Variants in LRRC4C observed in about 807,000 individuals in gnomAD.
LRRC4C encodes leucine rich repeat containing 4C.
A neutral mutation model predicts 33.6 loss-of-function variants in LRRC4C; 5 were observed. That is an observed-to-expected ratio of 0.15 (90% CI 0.08 to 0.31). The LOEUF (loss-of-function observed/expected upper bound fraction) is 0.31, where lower values mean the gene tolerates loss of function less well. LRRC4C is among the 10% of genes least tolerant of loss of function. The pLI, the probability that LRRC4C is intolerant of heterozygous loss-of-function variation, is 1.00. For missense variants in LRRC4C, 560 were observed against 796.7 expected (o/e 0.70, Z 3.58); for synonymous variants, 329 against 302.0 (o/e 1.09, Z -0.93).
chr11:40,434,443 A>G (rs533521443), intron 3 of LRRC4C, among the ~76,000 whole-genome samples: 27 of 152,274 alleles, frequency 1.8e-4, no homozygotes, highest in Non-Finnish European at 3.4e-4. Context: ...GGCATCTCTT[A>G]ATTTCCCTGG....
At chr11:40,911,043 G>T (rs1193338068) in intron 2 of LRRC4C, among the ~76,000 whole-genome samples, 2 of 152,196 alleles carry the variant, frequency 1.3e-5, no homozygotes, top group Admixed American at 6.5e-5. Context: ...AAACAAAGCT[G>T]CTGGGAAGCT....
At chr11:40,504,775 T>C (rs928095191) in intron 3 of LRRC4C, among the ~76,000 whole-genome samples, 2 of 152,170 alleles carry the variant, frequency 1.3e-5, no homozygotes, top group East Asian at 1.9e-4. Context: ...CTCATCAACA[T>C]TTTATGTTTT....
At chr11:40,443,402 C>A (rs1057496678) in intron 3 of LRRC4C, among the ~76,000 whole-genome samples, 4 of 152,098 alleles carry the variant, frequency 2.6e-5, no homozygotes, top group Admixed American at 2.6e-4. Flanking sequence ...TTTGAATTAC[C>A]AAATTCCTAT....
intron 1 of LRRC4C, among the ~76,000 whole-genome samples, chr11:40,970,992 G>A (rs1469919195): frequency 6.6e-6 from 1 of 152,190 alleles, no homozygotes; most frequent in Non-Finnish European, 1.5e-5. Flanking sequence ...ACTCACATGT[G>A]TGAGCAAAGA....
intron 3 of LRRC4C, among the ~76,000 whole-genome samples, chr11:40,372,107 A>G (rs1948475991): frequency 6.6e-6 from 1 of 152,204 alleles, no homozygotes; most frequent in South Asian, 2.1e-4. Flanking sequence ...TGGACTAAGT[A>G]AAAATATCTG....
intron 3 of LRRC4C, among the ~76,000 whole-genome samples, chr11:40,533,062 A>T (rs1019496755): frequency 2.0e-5 from 3 of 152,104 alleles, no homozygotes; most frequent in African/African-American, 7.2e-5. Context: ...CTCTCCCTTG[A>T]CATGTGGGGA....
rs56234239 is a variant in LRRC4C at position 41,037,574 on chromosome 11, T to TCACA, written c.-495-103855_-495-103852dup. ...CTGAACTTTCTTACTTCTTTTCCTT[T>TCACA]CACACACACACACACACACACACAC... On this transcript the variant is annotated intron_variant, in intron 1 of 6. Transcript: ENST00000528697. Among the ~76,000 whole-genome samples, 286 of 148,954 alleles carry TCACA rather than the reference T, an allele frequency of 1.9e-3. 1 individual carries two copies. The highest frequency in any genetic ancestry group is 6.0e-3 in the Admixed American group (89 of 14,840).
intron 3 of LRRC4C, among the ~76,000 whole-genome samples, chr11:40,646,854 C>A (rs1027896484): frequency 2.0e-5 from 3 of 152,200 alleles, no homozygotes; most frequent in African/African-American, 7.2e-5. Context: ...GATCCGCCCA[C>A]CTCGGCCTCC....
intron 1 of LRRC4C, among the ~76,000 whole-genome samples, chr11:41,009,529 T>C (rs1592325200): frequency 6.6e-6 from 1 of 152,090 alleles, no homozygotes; most frequent in Non-Finnish European, 1.5e-5. Context: ...ATATAGCCTA[T>C]TGAGGTTATA....
chr11:41,145,621 T>C (rs1590745318), intron 1 of LRRC4C, among the ~76,000 whole-genome samples: 1 of 152,084 alleles, frequency 6.6e-6, no homozygotes, highest in East Asian at 1.9e-4. Context: ...GTCGGATAAA[T>C]TTGTTGACCC....
intron 1 of LRRC4C, among the ~76,000 whole-genome samples, chr11:41,257,027 C>T (rs1948823759): frequency 6.6e-6 from 1 of 151,886 alleles, no homozygotes; most frequent in African/African-American, 2.4e-5. Context: ...AGGTGGGACC[C>T]AATCTAAAAG....
intron 5 of LRRC4C, among the ~76,000 whole-genome samples, chr11:40,145,908 T>C (rs1302948459): frequency 6.6e-6 from 1 of 152,208 alleles, no homozygotes; most frequent in Non-Finnish European, 1.5e-5. Flanking sequence ...AATGAATTGT[T>C]TAAATTAAAT....
At chr11:41,417,328 A>G (rs1031437906) in intron 1 of LRRC4C, among the ~76,000 whole-genome samples, 1 of 152,110 alleles carries the variant, frequency 6.6e-6, no homozygotes, top group African/African-American at 2.4e-5. Flanking sequence ...GAGTGAACCA[A>G]CAACATGATT....
intron 3 of LRRC4C, among the ~76,000 whole-genome samples, chr11:40,635,666 T>C (rs1963889593): frequency 2.3e-5 from 3 of 130,428 alleles, no homozygotes. Context: ...AGACGGAGTC[T>C]CGCTCTGTCG....
chr11:41,261,864 A>G lies in LRRC4C; in HGVS notation c.-496+197567T>C, dbSNP rs144417669. Among the ~76,000 whole-genome samples the G allele has an allele frequency of 2.1e-3, 327 of 152,218 alleles. 1 individual carries two copies. Among genetic ancestry groups the G allele is most frequent in the Middle Eastern group, 6.8e-3 (2 of 294 alleles). ...ACATTCACAAATTAAAATAAGGTAA[A>G]ACCTATATAAAGATTTTACTCAAAT... On this transcript the variant is annotated intron_variant, in intron 1 of 6. Transcript: ENST00000528697.
chr11:40,288,643 A>T (rs1329201294), intron 4 of LRRC4C, among the ~76,000 whole-genome samples: 1 of 152,200 alleles, frequency 6.6e-6, no homozygotes, highest in Admixed American at 6.5e-5. Context: ...ACGTGTAAAC[A>T]ATGACGTGTG....
intron 1 of LRRC4C, among the ~76,000 whole-genome samples, chr11:41,345,106 T>G (rs1951763345): frequency 6.6e-6 from 1 of 152,206 alleles, no homozygotes; most frequent in South Asian, 2.1e-4. Context: ...ATGATGAAAA[T>G]TCTGGTGAAA....
chr11:40,682,058 G>A (rs772842278), intron 2 of LRRC4C, among the ~76,000 whole-genome samples: 3 of 152,042 alleles, frequency 2.0e-5, no homozygotes, highest in Non-Finnish European at 4.4e-5. Flanking sequence ...AATTACTCAT[G>A]TAACCAAATA....
At chr11:40,358,771 C>G (rs181145618) in intron 3 of LRRC4C, among the ~76,000 whole-genome samples, 116 of 152,266 alleles carry the variant, frequency 7.6e-4, no homozygotes, top group Non-Finnish European at 1.4e-3. Context: ...CCTTCCCTTT[C>G]TGAAAACCCT....
Sources: gnomAD v4.1 joint callset for allele counts (sites outside exome capture counted in the v4.1 genomes callset) on GRCh38, gnomAD v4.1.1 for gene constraint, MANE v1.5 for transcripts, NCBI Gene and HGNC (gene_info 2026-07-23, HGNC 2026-07-21) for gene names.